CCDC60: variants seen among roughly 807,000 people sequenced by gnomAD.
CCDC60 encodes coiled-coil domain-containing protein 60.
In CCDC60, 54 loss-of-function variants were observed where a neutral mutation model predicts 63.5. The ratio of observed to expected loss-of-function variants is 0.85; its 90% CI spans 0.68 to 1.07. The LOEUF is 1.07. Among genes scored for constraint, CCDC60 ranks in the 50% least tolerant of loss-of-function variants. CCDC60 has a pLI of 0.00. For missense variants in CCDC60, 651 were observed against 684.3 expected, an observed-to-expected ratio of 0.95 and a Z score of 0.54; for synonymous variants, 206 against 238.8, an observed-to-expected ratio of 0.86 and a Z score of 1.27.
chr12:119,351,219 ACT>A (rs1955653268), intron 1 of CCDC60, among the ~76,000 whole-genome samples: 1 of 151,530 alleles, frequency 6.6e-6, no homozygotes, highest in South Asian at 2.1e-4. Context: ...CTCCCTTTCC[ACT>A]CTCTAGTTTT....
chr12:119,474,952 C>A (rs1233495151), intron 3 of CCDC60, among the ~76,000 whole-genome samples: 4 of 152,148 alleles, frequency 2.6e-5, no homozygotes. Flanking sequence ...CTTTAAAGCC[C>A]AGGGTTCCAG....
At chr12:119,351,736 C>A (rs2136154076) in intron 1 of CCDC60, among the ~76,000 whole-genome samples, 1 of 152,312 alleles carries the variant, frequency 6.6e-6, no homozygotes, top group East Asian at 1.9e-4. Context: ...TTGTTTCCAT[C>A]TGAGACCACC....
chr12:119,404,808 A>G (rs573253625), intron 1 of CCDC60, among the ~76,000 whole-genome samples: 18 of 152,256 alleles, frequency 1.2e-4, no homozygotes, highest in Admixed American at 5.9e-4. Flanking sequence ...CCTTAGAGAC[A>G]AAGATCCTCA....
intron 1 of CCDC60, among the ~76,000 whole-genome samples, chr12:119,407,053 G>A (rs1057002356): frequency 6.6e-6 from 1 of 152,166 alleles, no homozygotes; most frequent in Non-Finnish European, 1.5e-5. Flanking sequence ...AATGCCAGTG[G>A]GGTCAGCAGA....
At chr12:119,337,873 T>G (rs1955490458) in intron 1 of CCDC60, among the ~76,000 whole-genome samples, 1 of 151,390 alleles carries the variant, frequency 6.6e-6, no homozygotes, top group African/African-American at 2.4e-5. Context: ...TGTCTCCATG[T>G]TGGATTTTGG....
At chr12:119,434,365 T>TTGAG (rs1313153679) in intron 2 of CCDC60, among the ~76,000 whole-genome samples, 3 of 152,308 alleles carry the variant, frequency 2.0e-5, no homozygotes, top group African/African-American at 4.8e-5. Context: ...CAAATGTTTA[T>TTGAG]TGAGTATGAG....
intron 1 of CCDC60, among the ~76,000 whole-genome samples, chr12:119,405,512 C>A (rs1593039728): frequency 6.6e-6 from 1 of 152,184 alleles, no homozygotes; most frequent in Non-Finnish European, 1.5e-5. Context: ...CTCTCAAACT[C>A]TGTTAGTTTT....
intron 4 of CCDC60, among the ~76,000 whole-genome samples, chr12:119,480,739 A>ATCACCATCATCC (rs1951289288): frequency 1.4e-5 from 2 of 145,726 alleles, no homozygotes; most frequent in Admixed American, 1.4e-4. Flanking sequence ...CACCATCATC[A>ATCACCATCATCC]TCACCATCAT....
In CCDC60 at chr12:119,334,920, T is replaced by G. The variant is rs1955455375; in HGVS notation, c.-257T>G. 10 of 361,364 alleles carry G rather than the reference T, an allele frequency of 2.8e-5. No homozygotes were observed. The South Asian group carries it at 9.6e-4, about 35-fold the overall frequency. 22.4% of individuals were successfully genotyped at this position (361,364 alleles called of 1,614,324 possible). A position where few individuals can be genotyped will look rare whatever the true frequency, so the allele number is the denominator to read the frequency against. On this transcript the variant is annotated 5_prime_UTR_variant, in exon 1 of 14. Coordinates refer to ENST00000327554, the MANE Select transcript of CCDC60 (RefSeq NM_178499.5). ...CCGAAGAGGAGGAAGCTTACAGAAG[T>G]TTATAACCTTTCAAAAAGTAAATAA...
chr12:119,419,139 C>T (rs1160781728), intron 1 of CCDC60, among the ~76,000 whole-genome samples: 1 of 152,224 alleles, frequency 6.6e-6, no homozygotes, highest in East Asian at 1.9e-4. Context: ...GTCAGATCTG[C>T]ATCATGGTCT....
chr12:119,420,918 C>T lies in CCDC60; in HGVS notation c.91-7765C>T, dbSNP rs993016203. Among the ~76,000 whole-genome samples the T allele has an allele frequency of 6.6e-6, 1 of 152,132 alleles. No homozygotes were observed. The highest frequency in any genetic ancestry group is 1.9e-4 in the East Asian group (1 of 5,196). ...ACATCCGTGTGCAAGCTAAGGTCTC[C>T]GGGTTCATGTGTGTACTCCTGCCAT... On this transcript the variant is annotated intron_variant, in intron 1 of 13. Coordinates refer to ENST00000327554, the MANE Select transcript of CCDC60 (RefSeq NM_178499.5). This position sits in a 1 kb window ranked among gnomAD's most constrained non-coding sequence, Gnocchi z 4.1.
chr12:119,386,922 T>C (rs1459878583), intron 1 of CCDC60, among the ~76,000 whole-genome samples: 3 of 151,992 alleles, frequency 2.0e-5, no homozygotes, highest in African/African-American at 4.8e-5. Context: ...AGGGTGGATA[T>C]TTCTATGGAG....
At chr12:119,490,649 C>T (rs1174376867) in intron 5 of CCDC60, among the ~76,000 whole-genome samples, 1 of 152,172 alleles carries the variant, frequency 6.6e-6, no homozygotes, top group East Asian at 1.9e-4. Context: ...ACCACAGCCT[C>T]GAACTCCTGG....
At chr12:119,477,909 C>A (rs1216987634) in intron 3 of CCDC60, among the ~76,000 whole-genome samples, 1 of 152,142 alleles carries the variant, frequency 6.6e-6, no homozygotes, top group East Asian at 1.9e-4. Context: ...CACACGCACA[C>A]ACACACACAC....
intron 1 of CCDC60, among the ~76,000 whole-genome samples, chr12:119,344,051 A>G (rs182996060): frequency 6.6e-6 from 1 of 152,190 alleles, no homozygotes; most frequent in Admixed American, 6.5e-5. Flanking sequence ...ATAATTGGAA[A>G]TATCTAGTGT....
At chr12:119,338,155 A>G (rs1457302338) in intron 1 of CCDC60, among the ~76,000 whole-genome samples, 1 of 152,172 alleles carries the variant, frequency 6.6e-6, no homozygotes, top group African/African-American at 2.4e-5. Flanking sequence ...TTCCTAGCTC[A>G]CATTCAAAAG....
intron 6 of CCDC60, among the ~76,000 whole-genome samples, chr12:119,501,102 G>A (rs1951840980): frequency 1.3e-5 from 2 of 152,326 alleles, no homozygotes; most frequent in East Asian, 1.9e-4. Flanking sequence ...TGCTGAACCT[G>A]TCCCCTAACC....
intron 1 of CCDC60, among the ~76,000 whole-genome samples, chr12:119,393,026 T>G (rs1180847613): frequency 6.6e-6 from 1 of 152,144 alleles, no homozygotes. Context: ...CAGACAGTCA[T>G]GGTGGCACAC....
intron 3 of CCDC60, among the ~76,000 whole-genome samples, chr12:119,478,799 G>C (rs926284557): frequency 6.6e-6 from 1 of 151,920 alleles, no homozygotes; most frequent in Non-Finnish European, 1.5e-5. Context: ...TAGAGACAGG[G>C]TTTCACCGTG....
Sources: allele counts gnomAD v4.1 joint callset (sites outside exome capture counted in the v4.1 genomes callset), GRCh38; gene constraint gnomAD v4.1.1; non-coding constraint Gnocchi (gnomAD v3.1); transcripts MANE v1.5; gene names NCBI Gene and HGNC (gene_info 2026-07-23, HGNC 2026-07-21).